The following PTPRD variants were observed in gnomAD, a reference collection of about 807,000 sequenced individuals.
PTPRD encodes the protein receptor-type tyrosine-protein phosphatase delta.
A neutral mutation model predicts 214.5 loss-of-function variants in PTPRD; 34 were observed. The observed-to-expected ratio is 0.16, with a 90% CI of 0.12 to 0.21. The LOEUF (loss-of-function observed/expected upper bound fraction) is 0.21. Ranked by LOEUF, PTPRD falls within the 10% of genes least tolerant of loss-of-function variation. PTPRD has a pLI of 1.00. For synonymous variants in PTPRD, 1,128 were observed against 845.7 expected (o/e 1.33, Z -5.79); for missense variants, 2,545 against 2,398.7 (o/e 1.06, Z -1.27).
intron 12 of PTPRD, among the ~76,000 whole-genome samples, chr9:8,721,973 C>T (rs149647534): frequency 4.8e-4 from 73 of 152,350 alleles, no homozygotes; most frequent in Middle Eastern, 3.4e-3. Context: ...TTTTGCCCCC[C>T]TCAGGGGACA....
intron 8 of PTPRD, among the ~76,000 whole-genome samples, chr9:9,436,965 CCTCT>C (rs2085523962): frequency 6.6e-6 from 1 of 151,920 alleles, no homozygotes; most frequent in African/African-American, 2.4e-5. Flanking sequence ...AAGCTGCTAG[CCTCT>C]CTGACTACTT....
intron 2 of PTPRD, among the ~76,000 whole-genome samples, chr9:10,580,355 C>T (rs2071285907): frequency 6.6e-6 from 1 of 152,116 alleles, no homozygotes; most frequent in Non-Finnish European, 1.5e-5. Context: ...TGATTTCAAT[C>T]AACAGTATAT....
At position 8,937,096 on chromosome 9, in the gene PTPRD, G is replaced by A. The variant is rs183585810; in HGVS notation, c.-104+81601C>T. ...GAATAGAAATGGTAGTTTTTTTACCGCATCATAATGTATTGACTACCTGAG... is the reference window on the plus strand; with the variant it reads ...GAATAGAAATGGTAGTTTTTTTACCACATCATAATGTATTGACTACCTGAG... On this transcript the variant is annotated intron_variant, in intron 11 of 45. Coordinates refer to ENST00000381196, the MANE Select transcript of PTPRD (RefSeq NM_002839.4). Among the ~76,000 whole-genome samples the A allele has an allele frequency of 5.7e-3, 861 of 151,728 alleles. 17 individuals carry two copies. Among genetic ancestry groups the A allele is most frequent in the Non-Finnish European group, 3.2e-3 (214 of 67,932 alleles).
chr9:9,465,714 G>C (rs2094094076), intron 8 of PTPRD, among the ~76,000 whole-genome samples: 1 of 152,084 alleles, frequency 6.6e-6, no homozygotes, highest in Non-Finnish European at 1.5e-5. Context: ...TTTAATGTGA[G>C]ATTTTGCTTA....
chr9:8,460,249 C>A (rs745373530), intron 33 of PTPRD, 162 bp downstream of exon 33: 18 of 873,646 alleles, frequency 2.1e-5, no homozygotes, highest in Non-Finnish European at 1.3e-5. Flanking sequence ...ACAGTCTTTA[C>A]ATTTTGATCT....
At chr9:9,611,742 T>C (rs1455801122) in intron 7 of PTPRD, among the ~76,000 whole-genome samples, 1 of 152,150 alleles carries the variant, frequency 6.6e-6, no homozygotes, top group Non-Finnish European at 1.5e-5. Flanking sequence ...TATTGACTGA[T>C]GTAGAAGTAT....
In PTPRD at chr9:8,315,984, G is replaced by C. The variant is rs1428403917; in HGVS notation, c.*1890C>G. 1 of 227,020 alleles carries C rather than the reference G, an allele frequency of 4.4e-6. No individual in the cohort carries two copies. The highest frequency in any genetic ancestry group is 8.8e-6 in the Non-Finnish European group (1 of 114,186). The allele number at this position is 227,020 out of a possible 1,614,324, so 14.1% of individuals were successfully genotyped here. ...TTCCCCTTTTAGAAAAATCCTAATGGAATATCAAATATATTCCAAAGTTGC... is the reference window on the plus strand; with the variant it reads ...TTCCCCTTTTAGAAAAATCCTAATGCAATATCAAATATATTCCAAAGTTGC... On this transcript the variant is annotated 3_prime_UTR_variant, in exon 46 of 46. Coordinates refer to ENST00000381196, the MANE Select transcript of PTPRD (RefSeq NM_002839.4).
rs201564000 is a variant in PTPRD, at chr9:8,437,288, C to CA, written c.3989-600dup. On this transcript the variant is annotated intron_variant, in intron 34 of 45. Transcript: ENST00000381196. ...ATAAAATAAAATAGAACAAATTCTT[C>CA]AAAAAAAAATGAAATGGAAAGCCTG... 1,846 of 1,293,418 alleles carry CA rather than the reference C, an allele frequency of 1.4e-3. 5 individuals carry two copies. Among genetic ancestry groups the CA allele is most frequent in the Non-Finnish European group, 1.6e-3 (1,510 of 964,788 alleles). 80.1% of individuals were successfully genotyped at this position (1,293,418 alleles called of 1,614,324 possible). A position where few individuals can be genotyped will look rare whatever the true frequency, so the allele number is the denominator to read the frequency against.
intron 2 of PTPRD, among the ~76,000 whole-genome samples, chr9:10,598,027 A>G (rs552280629): frequency 6.6e-6 from 1 of 151,780 alleles, no homozygotes; most frequent in Non-Finnish European, 1.5e-5. Flanking sequence ...CCCTCATGAA[A>G]TCTACCAGCA....
intron 9 of PTPRD, among the ~76,000 whole-genome samples, chr9:9,327,044 A>C (rs1370150865): frequency 6.6e-6 from 1 of 152,182 alleles, no homozygotes; most frequent in Admixed American, 6.6e-5. Flanking sequence ...GTGTTTACTA[A>C]AGAGGTCAAT....
intron 3 of PTPRD, among the ~76,000 whole-genome samples, chr9:10,198,701 A>T (rs917489549): frequency 3.9e-5 from 6 of 152,264 alleles, no homozygotes; most frequent in Admixed American, 3.9e-4. Flanking sequence ...ACTTAATATC[A>T]TACCTATTCT....
chr9:9,123,845 C>G (rs1017445893), intron 10 of PTPRD, among the ~76,000 whole-genome samples: 1 of 152,068 alleles, frequency 6.6e-6, no homozygotes, highest in Non-Finnish European at 1.5e-5. Context: ...ACAGGAATAG[C>G]CACAATGAAT....
chr9:10,602,164 T>C (rs1242333822), intron 2 of PTPRD, among the ~76,000 whole-genome samples: 2 of 151,850 alleles, frequency 1.3e-5, no homozygotes, highest in African/African-American at 2.4e-5. Flanking sequence ...TCTTGTGGTA[T>C]TAATTAAAAT....
chr9:9,800,671 CATGGTAAGTACCTGATAA>C (rs2099033575), intron 5 of PTPRD: 1 of 152,136 alleles, frequency 6.6e-6, no homozygotes, highest in Non-Finnish European at 1.5e-5. Context: ...TCTGTCAGCA[CATGGTAAGTACCTGATAA>C]ATGTATTTTG....
chr9:8,991,695 G>T (rs2099367550), intron 11 of PTPRD, among the ~76,000 whole-genome samples: 1 of 152,048 alleles, frequency 6.6e-6, no homozygotes, highest in Admixed American at 6.6e-5. Context: ...TGTGCAATTT[G>T]CCTCTTAGGG....
chr9:8,578,871 TTTAAG>T (rs752219233), intron 14 of PTPRD, among the ~76,000 whole-genome samples: 2 of 152,232 alleles, frequency 1.3e-5, no homozygotes, highest in Non-Finnish European at 2.9e-5. Flanking sequence ...AAATTAGTAA[TTTAAG>T]TTATTTAAAA....
At chr9:9,544,387 A>G (rs1325932444) in intron 8 of PTPRD, among the ~76,000 whole-genome samples, 1 of 151,742 alleles carries the variant, frequency 6.6e-6, no homozygotes, top group Non-Finnish European at 1.5e-5. Context: ...TAAATATTTT[A>G]AGTCCGACTT....
At position 8,315,640 on chromosome 9, in the gene PTPRD, ATTTTC is replaced by A; in HGVS notation, c.*2229_*2233del. 1 of 227,804 alleles carries A rather than the reference ATTTTC, an allele frequency of 4.4e-6. No homozygotes were observed. 14.1% of individuals were successfully genotyped at this position (227,804 alleles called of 1,614,324 possible). A position where few individuals can be genotyped will look rare whatever the true frequency, so the allele number is the denominator to read the frequency against. On this transcript the variant is annotated 3_prime_UTR_variant, in exon 46 of 46. Transcript: ENST00000381196. Reference sequence around the variant, plus strand: ...GATACTTTTTTTTAGTATTATATATATTTTCTTTTTTTTCTTTTTCTTTGTTTTTT... The same window carrying A: ...GATACTTTTTTTTAGTATTATATATATTTTTTTTCTTTTTCTTTGTTTTTT...
At chr9:9,991,420 G>C (rs1270733456) in intron 4 of PTPRD, among the ~76,000 whole-genome samples, 1 of 151,020 alleles carries the variant, frequency 6.6e-6, no homozygotes, top group African/African-American at 2.4e-5. Context: ...GGAGTGCAAT[G>C]TTGTGATCTC....
Sources: allele counts gnomAD v4.1 joint callset (sites outside exome capture counted in the v4.1 genomes callset), GRCh38; gene constraint gnomAD v4.1.1; transcripts MANE v1.5; gene names NCBI Gene and HGNC (gene_info 2026-07-23, HGNC 2026-07-21).